Variants in TMEM108 observed in about 807,000 individuals in gnomAD.
TMEM108 encodes transmembrane protein 108, also known as cancer/testis antigen 124.
TMEM108 carries 12 observed loss-of-function variants against 35.1 expected under a neutral mutation model. The observed-to-expected ratio is 0.34, with a 90% CI of 0.22 to 0.55. The LOEUF is 0.55. Ranked by LOEUF, TMEM108 falls within the 20% of genes least tolerant of loss-of-function variation. TMEM108 has a pLI of 0.89. For synonymous variants in TMEM108, 287 were observed against 308.6 expected (o/e 0.93, Z 0.73); for missense variants, 680 against 753.3 (o/e 0.90, Z 1.14).
chr3:133,170,554 A>C (rs983463531), intron 2 of TMEM108, among the ~76,000 whole-genome samples: 4 of 152,234 alleles, frequency 2.6e-5, no homozygotes, highest in Non-Finnish European at 4.4e-5. Flanking sequence ...AATATTTAGA[A>C]ACACATTAAC....
intron 3 of TMEM108, among the ~76,000 whole-genome samples, chr3:133,289,129 T>C (rs879504799): frequency 2.0e-5 from 3 of 152,136 alleles, no homozygotes; most frequent in Non-Finnish European, 4.4e-5. Flanking sequence ...GAGTGGAGCA[T>C]AGAAGTATGT....
intron 2 of TMEM108, among the ~76,000 whole-genome samples, chr3:133,221,790 T>C (rs1344328893): frequency 6.6e-6 from 1 of 151,810 alleles, no homozygotes; most frequent in Admixed American, 6.6e-5. Context: ...TAACTTTGAT[T>C]GCAAAATAAA....
chr3:133,191,462 A>G (rs1945496380), intron 2 of TMEM108, among the ~76,000 whole-genome samples: 1 of 152,184 alleles, frequency 6.6e-6, no homozygotes, highest in Non-Finnish European at 1.5e-5. Context: ...AAAATCAACC[A>G]CAAAATAACA....
At position 133,181,008 on chromosome 3, in the gene TMEM108, T is replaced by TAAAAAAAAAAAAAAAAAAAAAA. The variant is rs369228472; in HGVS notation, c.-46-48249_-46-48228dup. On this transcript the variant is annotated intron_variant, in intron 2 of 5. Transcript: ENST00000321871. ...TGTACTGGCTATTGGGCAGTTGTGT[T>TAAAAAAAAAAAAAAAAAAAAAA]AAAAAAAAAAAAAAAAAAAAAAAAA... 3.0e-4 allele frequency among the ~76,000 whole-genome samples: 23 copies of TAAAAAAAAAAAAAAAAAAAAAA among 75,852 alleles called. 3 individuals are homozygous for TAAAAAAAAAAAAAAAAAAAAAA. Among genetic ancestry groups the TAAAAAAAAAAAAAAAAAAAAAA allele is most frequent in the South Asian group, 5.8e-4 (1 of 1,734 alleles). The allele number at this position is 75,852 out of a possible 152,430, so 49.8% of individuals were successfully genotyped here.
chr3:133,132,551 A>G (rs188412311), intron 2 of TMEM108, among the ~76,000 whole-genome samples: 238 of 152,272 alleles, frequency 1.6e-3, no homozygotes, highest in Middle Eastern at 3.4e-3. Flanking sequence ...CTTTCAAAAT[A>G]TTATTGCTCA....
At chr3:133,230,082 C>A (rs184845375) in intron 3 of TMEM108, among the ~76,000 whole-genome samples, 7 of 152,286 alleles carry the variant, frequency 4.6e-5, no homozygotes, top group African/African-American at 1.7e-4. Context: ...TAGGCATTAC[C>A]CGCTCCAGGT....
intron 2 of TMEM108, among the ~76,000 whole-genome samples, chr3:133,165,233 C>G (rs1388209963): frequency 6.6e-6 from 1 of 152,178 alleles, no homozygotes; most frequent in African/African-American, 2.4e-5. Context: ...GGAGAATCTT[C>G]AGACCACCCT....
chr3:133,322,333 C>T (rs939273038), intron 3 of TMEM108, among the ~76,000 whole-genome samples: 12 of 151,976 alleles, frequency 7.9e-5, no homozygotes, highest in Non-Finnish European at 1.3e-4. Flanking sequence ...AGAAATGAAA[C>T]GAGAGATACT....
At chr3:133,102,925 A>G (rs1178962490) in intron 2 of TMEM108, among the ~76,000 whole-genome samples, 2 of 152,180 alleles carry the variant, frequency 1.3e-5, no homozygotes, top group African/African-American at 4.8e-5. Context: ...TATTATTAAA[A>G]AGTCAAAAAA....
chr3:133,383,530 A>G (rs1432390776), intron 4 of TMEM108, among the ~76,000 whole-genome samples: 1 of 152,196 alleles, frequency 6.6e-6, no homozygotes, highest in Admixed American at 6.5e-5. Context: ...TGCACCCCAC[A>G]GGCTACACCC....
At chr3:133,176,124 A>G (rs1034721555) in intron 2 of TMEM108, among the ~76,000 whole-genome samples, 10 of 149,912 alleles carry the variant, frequency 6.7e-5, no homozygotes, top group East Asian at 1.9e-4. Context: ...AGAGCTAACT[A>G]TCCTAAATAC....
chr3:133,262,251 T>C (rs1391416129), intron 3 of TMEM108, among the ~76,000 whole-genome samples: 1 of 152,250 alleles, frequency 6.6e-6, no homozygotes, highest in Admixed American at 6.5e-5. Flanking sequence ...TTCACTTGCT[T>C]ATAATTTCAT....
At chr3:133,237,499 T>C (rs926483579) in intron 3 of TMEM108, among the ~76,000 whole-genome samples, 8 of 152,168 alleles carry the variant, frequency 5.3e-5, no homozygotes, top group African/African-American at 1.9e-4. Context: ...TAGCTGCTTG[T>C]CATCTGATAA....
At chr3:133,273,067 G>A (rs983595360) in intron 3 of TMEM108, among the ~76,000 whole-genome samples, 1 of 152,128 alleles carries the variant, frequency 6.6e-6, no homozygotes, top group Non-Finnish European at 1.5e-5. Context: ...ACATTTAGGG[G>A]TGGGTCACAA....
chr3:133,164,809 C>A (rs917575592), intron 2 of TMEM108, among the ~76,000 whole-genome samples: 1 of 151,928 alleles, frequency 6.6e-6, no homozygotes, highest in African/African-American at 2.4e-5. Flanking sequence ...TAAATGTTCA[C>A]AAGAGAGGTC....
chr3:133,259,525 T>TACTCAATAAGACTCAA (rs1946595283), intron 3 of TMEM108, among the ~76,000 whole-genome samples: 1 of 152,180 alleles, frequency 6.6e-6, no homozygotes, highest in East Asian at 1.9e-4. Context: ...CTCAATAAGG[T>TACTCAATAAGACTCAA]TAAATAATAC....
chr3:133,047,749 G>A (rs150856106), intron 2 of TMEM108, among the ~76,000 whole-genome samples: 2 of 152,092 alleles, frequency 1.3e-5, no homozygotes, highest in Admixed American at 6.6e-5. Flanking sequence ...CTCTGGTATC[G>A]TATTTTAATC....
intron 3 of TMEM108, among the ~76,000 whole-genome samples, chr3:133,288,753 T>C (rs1392929220): frequency 6.6e-6 from 1 of 152,226 alleles, no homozygotes; most frequent in African/African-American, 2.4e-5. Context: ...ATTTGGGGGT[T>C]TTTTGAGATG....
chr3:133,180,420 C>G (rs770826703), intron 2 of TMEM108, among the ~76,000 whole-genome samples: 1 of 152,032 alleles, frequency 6.6e-6, no homozygotes, highest in African/African-American at 2.4e-5. Context: ...TTTCCAGTAA[C>G]AATGTTTTTA....
Sources: gnomAD v4.1 joint callset for allele counts (sites outside exome capture counted in the v4.1 genomes callset) on GRCh38, gnomAD v4.1.1 for gene constraint, MANE v1.5 for transcripts, NCBI Gene and HGNC (gene_info 2026-07-23, HGNC 2026-07-21) for gene names.